EPS8: variants seen among roughly 807,000 people sequenced by gnomAD.
The protein encoded by EPS8 is epidermal growth factor receptor kinase substrate 8.
In EPS8, 42 loss-of-function variants were observed where a neutral mutation model predicts 103.8. The observed-to-expected ratio is 0.40, with a 90% confidence interval of 0.32 to 0.52. EPS8 has a LOEUF of 0.52. Among genes scored for constraint, EPS8 ranks in the 20% least tolerant of loss-of-function variants. The pLI is 0.40. For missense variants in EPS8, 969 were observed against 1,005.1 expected (o/e 0.96, Z 0.49); for synonymous variants, 344 against 344.6 (o/e 1.00, Z 0.02).
rs1012057231 is a variant in EPS8, at chr12:15,772,013, T to C, written c.-22+17148A>G. ...GTGGCGGGCGCCCGTAGTCTTCATTTGTACCACCCTAATGAGCATATGGGG... is the reference window on the plus strand; with the variant it reads ...GTGGCGGGCGCCCGTAGTCTTCATTCGTACCACCCTAATGAGCATATGGGG... On this transcript the variant is annotated intron_variant, in intron 1 of 20. Transcript: ENST00000281172. This position sits in a 1 kb window ranked among gnomAD's most constrained non-coding sequence, Gnocchi z 5.0. Among the ~76,000 whole-genome samples the C allele has an allele frequency of 4.6e-5, 7 of 152,038 alleles. No homozygotes were observed. The highest frequency in any genetic ancestry group is 8.8e-5 in the Non-Finnish European group (6 of 68,000).
intron 1 of EPS8, among the ~76,000 whole-genome samples, chr12:15,689,560 T>C (rs1215713274): frequency 3.9e-5 from 6 of 152,234 alleles, no homozygotes; most frequent in Non-Finnish European, 7.3e-5. Flanking sequence ...AGTGCTTTGA[T>C]ACATGTATAA....
At chr12:15,623,083 C>T (rs1944885872) in intron 20 of EPS8, 75 bp downstream of exon 20, 1 of 1,421,066 alleles carries the variant, frequency 7.0e-7, no homozygotes, top group Non-Finnish European at 9.4e-7. Flanking sequence ...GGAAATTGGC[C>T]AATATGGACA....
chr12:15,732,726 A>G, intron 1 of EPS8: 2 of 958,190 alleles, frequency 2.1e-6, no homozygotes, highest in Non-Finnish European at 1.2e-6. Flanking sequence ...TATGATTTGC[A>G]ATAAAGAGAA....
Position 15,669,379 on chromosome 12 carries a change from T to TC in EPS8, c.516+7dup. The stretch of plus-strand genomic sequence containing the variant: ...AAAGAAGAAACAAAAATTTCACCAT[T>TC]CTTTTACCTTAACCTCATCACACTG... On this transcript the variant is annotated splice_region_variant and intron_variant, in intron 6 of 20. Transcript: ENST00000281172. 1 of 1,590,390 alleles carries TC rather than the reference T, an allele frequency of 6.3e-7. No individual in the cohort carries two copies. The highest frequency in any genetic ancestry group is 1.4e-5 in the African/African-American group (1 of 73,618).
chr12:15,694,480 C>A (rs1946216782), intron 1 of EPS8, among the ~76,000 whole-genome samples: 1 of 152,160 alleles, frequency 6.6e-6, no homozygotes, highest in Non-Finnish European at 1.5e-5. Flanking sequence ...GCTTTAATTG[C>A]TTTTCTAGAA....
Position 15,733,076 on chromosome 12 carries a change from A to G in EPS8, c.-21-50104T>C, listed in dbSNP as rs1946734817. 6.6e-6 allele frequency among the ~76,000 whole-genome samples: 1 copy of G among 152,224 alleles called. No homozygotes were observed. Among genetic ancestry groups the G allele is most frequent in the East Asian group, 1.9e-4 (1 of 5,196 alleles). ...AGCAGCTGACCAGCATTCCTCTCCC[A>G]AAACAGATACTGGAAAGAAATATAA... is the stretch of plus-strand genomic sequence containing the variant. On this transcript the variant is annotated intron_variant, in intron 1 of 20. Coordinates refer to ENST00000281172, the MANE Select transcript of EPS8 (RefSeq NM_004447.6). This position sits in a 1 kb window ranked among gnomAD's most constrained non-coding sequence, Gnocchi z 4.8.
chr12:15,636,701 A>G (rs534085970), intron 17 of EPS8, among the ~76,000 whole-genome samples: 3 of 152,190 alleles, frequency 2.0e-5, no homozygotes, highest in Admixed American at 6.5e-5. Context: ...TTTTTTAAGT[A>G]TTTGGTGACT....
At chr12:15,658,214 T>C in intron 11 of EPS8, 61 bp from the exon 12 acceptor site, 1 of 1,148,152 alleles carries the variant, frequency 8.7e-7, no homozygotes, top group South Asian at 1.3e-5. Context: ...CTCAGAAAGG[T>C]CCAACATAGA....
At chr12:15,689,936 C>T (rs1053554618) in intron 1 of EPS8, among the ~76,000 whole-genome samples, 5 of 152,100 alleles carry the variant, frequency 3.3e-5, no homozygotes, top group African/African-American at 7.2e-5. Context: ...GAGACTGAAA[C>T]GCCTGAATTC....
intron 3 of EPS8, among the ~76,000 whole-genome samples, chr12:15,675,182 A>G (rs1945882282): frequency 6.6e-6 from 1 of 152,252 alleles, no homozygotes; most frequent in African/African-American, 2.4e-5. Flanking sequence ...TTCACCATGC[A>G]GTTTATAGGT....
chr12:15,663,944 A>AAAAATAATAATAAT lies in EPS8; in HGVS notation c.736+1811_736+1812insATTATTATTATTTT, dbSNP rs1555112203. Among the ~76,000 whole-genome samples, 5 of 85,976 alleles carry AAAAATAATAATAAT rather than the reference A, an allele frequency of 5.8e-5. No homozygotes were observed. The East Asian group carries it at 1.1e-3, about 18-fold the overall frequency. 56.4% of individuals were successfully genotyped at this position (85,976 alleles called of 152,430 possible). Reference sequence around the variant, plus strand: ...TCAAAAAAAAAAAAAAAAAAAAAAAAAATAATATATATATATATATATATA... The same window carrying AAAAATAATAATAAT: ...TCAAAAAAAAAAAAAAAAAAAAAAAAAAAATAATAATAATAATAATATATATATATATATATATA... On this transcript the variant is annotated intron_variant, in intron 8 of 20. Transcript: ENST00000281172.
At chr12:15,640,870 G>A (rs1321935598) in intron 16 of EPS8, 24 bp from the exon 17 acceptor site, 3 of 1,604,532 alleles carry the variant, frequency 1.9e-6, no homozygotes, top group East Asian at 2.2e-5. Flanking sequence ...GAAAATAAAG[G>A]TATAATTTCC....
rs528940567 is a variant in EPS8, at chr12:15,720,158, C to T, written c.-21-37186G>A. On this transcript the variant is annotated intron_variant, in intron 1 of 20. Transcript: ENST00000281172. ...AATGAAAATAATAGTATCTTCTTCA[C>T]ATATTATTTTCAAATAATATATGAA... is the stretch of plus-strand genomic sequence containing the variant. Among the ~76,000 whole-genome samples, 81 of 152,244 alleles carry T rather than the reference C, an allele frequency of 5.3e-4. 1 individual carries two copies. The highest frequency in any genetic ancestry group is 1.9e-3 in the African/African-American group (81 of 41,550).
chr12:15,639,262 T>A (rs1565472552), intron 17 of EPS8, among the ~76,000 whole-genome samples: 1 of 151,960 alleles, frequency 6.6e-6, no homozygotes, highest in African/African-American at 2.4e-5. Context: ...ACTACCTCTA[T>A]GGGAAAGAAA....
intron 1 of EPS8, among the ~76,000 whole-genome samples, chr12:15,739,997 G>A (rs1262695896): frequency 6.6e-6 from 1 of 151,916 alleles, no homozygotes; most frequent in Non-Finnish European, 1.5e-5. Context: ...TGACACACAG[G>A]GACTCAGGAA....
In EPS8 at chr12:15,727,159, C is replaced by T. The variant is rs957823291; in HGVS notation, c.-21-44187G>A. On this transcript the variant is annotated intron_variant, in intron 1 of 20. Coordinates refer to ENST00000281172, the MANE Select transcript of EPS8 (RefSeq NM_004447.6). This position sits in a 1 kb window ranked among gnomAD's most constrained non-coding sequence, Gnocchi z 4.3. ...AATCTAAGTTAAGTACAAGTGACTA[C>T]GTTTTTACTGTTTAAATTTTTTACA... 1.3e-4 allele frequency among the ~76,000 whole-genome samples: 20 copies of T among 152,140 alleles called. No homozygotes were observed. The highest frequency in any genetic ancestry group is 3.6e-4 in the African/African-American group (15 of 41,438).
intron 10 of EPS8, among the ~76,000 whole-genome samples, chr12:15,658,849 T>C (rs1945554019): frequency 6.6e-6 from 1 of 152,166 alleles, no homozygotes; most frequent in African/African-American, 2.4e-5. Flanking sequence ...GCAGACATTG[T>C]GCAAGTGAGT....
chr12:15,650,361 AAATT>A (rs1945390823), intron 14 of EPS8, among the ~76,000 whole-genome samples: 1 of 152,170 alleles, frequency 6.6e-6, no homozygotes, highest in African/African-American at 2.4e-5. Context: ...AGAAGGAGAG[AAATT>A]AATTAACTGG....
In EPS8 at chr12:15,647,541, C is replaced by A. The variant is rs534235657; in HGVS notation, c.1435-281G>T. On this transcript the variant is annotated intron_variant, in intron 14 of 20. Transcript: ENST00000281172. ...ATTGTCACATGAAAATCAACTGAACCCTATGCATTAAAATTATACCGGCTT... is the reference window on the plus strand; with the variant it reads ...ATTGTCACATGAAAATCAACTGAACACTATGCATTAAAATTATACCGGCTT... Among the ~76,000 whole-genome samples the A allele has an allele frequency of 2.0e-5, 3 of 152,238 alleles. No homozygotes were observed. In the East Asian group the frequency reaches 5.8e-4, roughly 29 times the overall value.
Sources: allele counts gnomAD v4.1 joint callset (sites outside exome capture counted in the v4.1 genomes callset), GRCh38; gene constraint gnomAD v4.1.1; non-coding constraint Gnocchi (gnomAD v3.1); transcripts MANE v1.5; gene names NCBI Gene and HGNC (gene_info 2026-07-23, HGNC 2026-07-21).